Variants in CDH4 observed in about 807,000 individuals in gnomAD.
The protein encoded by CDH4 is cadherin-4.
In CDH4, 33 loss-of-function variants were observed where a neutral mutation model predicts 86.0. The ratio of observed to expected loss-of-function variants is 0.38; its 90% CI spans 0.29 to 0.51. The LOEUF (loss-of-function observed/expected upper bound fraction) is 0.51, where lower values mean the gene tolerates loss of function less well. CDH4 is among the 20% of genes least tolerant of loss of function. The pLI, the probability that CDH4 is intolerant of heterozygous loss-of-function variation, is 0.86. For synonymous variants in CDH4, 555 were observed against 549.4 expected (o/e 1.01, Z -0.14); for missense variants, 1,114 against 1,307.4 (o/e 0.85, Z 2.28).
chr20:61,551,365 A>G (rs553864339), intron 2 of CDH4, among the ~76,000 whole-genome samples: 1 of 152,366 alleles, frequency 6.6e-6, no homozygotes, highest in South Asian at 2.1e-4. Context: ...GTCATACAGA[A>G]AATTTCACAA....
chr20:61,432,971 T>C (rs1267705545), intron 2 of CDH4, among the ~76,000 whole-genome samples: 1 of 151,600 alleles, frequency 6.6e-6, no homozygotes, highest in African/African-American at 2.4e-5. Context: ...CCCGGGTACC[T>C]GGGATTACAG....
At chr20:61,458,395 T>C (rs557291336) in intron 2 of CDH4, among the ~76,000 whole-genome samples, 1 of 141,194 alleles carries the variant, frequency 7.1e-6, no homozygotes, top group African/African-American at 2.6e-5. Context: ...GTGATGGTCA[T>C]GATGGTGATG....
chr20:61,694,219 G>A (rs529804797), intron 2 of CDH4, among the ~76,000 whole-genome samples: 6 of 152,270 alleles, frequency 3.9e-5, no homozygotes, highest in African/African-American at 1.2e-4. Flanking sequence ...TAAACGTGCA[G>A]GGTGTCGGGA....
At chr20:61,817,710 C>T (rs903117363) in intron 4 of CDH4, among the ~76,000 whole-genome samples, 9 of 152,200 alleles carry the variant, frequency 5.9e-5, no homozygotes, top group Admixed American at 5.2e-4. Context: ...GGCATCCACA[C>T]GTGCCGCCTG....
chr20:61,653,510 C>T (rs1310639680), intron 2 of CDH4, among the ~76,000 whole-genome samples: 18 of 137,542 alleles, frequency 1.3e-4, no homozygotes, highest in Admixed American at 2.9e-4. Flanking sequence ...CCAGTAGGGG[C>T]GGCCGGGCAG....
intron 2 of CDH4, among the ~76,000 whole-genome samples, chr20:61,689,065 A>G (rs554743069): frequency 1.8e-4 from 27 of 152,310 alleles, no homozygotes; most frequent in East Asian, 3.9e-4. Flanking sequence ...CTTTGGATGA[A>G]TTTCTCCTAT....
At chr20:61,729,297 A>G (rs1237401881) in intron 2 of CDH4, among the ~76,000 whole-genome samples, 1 of 152,222 alleles carries the variant, frequency 6.6e-6, no homozygotes, top group Non-Finnish European at 1.5e-5. Flanking sequence ...TCCAGTGGGC[A>G]CCAGTAGGAC....
intron 2 of CDH4, among the ~76,000 whole-genome samples, chr20:61,685,317 A>G (rs2087562043): frequency 1.3e-5 from 2 of 152,234 alleles, no homozygotes; most frequent in East Asian, 1.9e-4. Context: ...CACTCAATTC[A>G]TGTCTCAAAG....
At chr20:61,616,193 T>A (rs1441910638) in intron 2 of CDH4, among the ~76,000 whole-genome samples, 1 of 152,208 alleles carries the variant, frequency 6.6e-6, no homozygotes, top group African/African-American at 2.4e-5. Context: ...AGCACTGCCG[T>A]CTCTGACCAG....
chr20:61,933,212 C>A, intron 14 of CDH4, 88 bp downstream of exon 14: 2 of 1,498,092 alleles, frequency 1.3e-6, no homozygotes, highest in Non-Finnish European at 1.8e-6. Context: ...TGGGGTTTAA[C>A]AGTAAGACAT....
intron 2 of CDH4, among the ~76,000 whole-genome samples, chr20:61,729,599 A>G (rs548713062): frequency 6.6e-6 from 1 of 152,352 alleles, no homozygotes; most frequent in East Asian, 1.9e-4. Flanking sequence ...TCCTCTTGGC[A>G]GAGTCTCTGG....
At chr20:61,555,107 A>C (rs1892306) in intron 2 of CDH4, among the ~76,000 whole-genome samples, 3 of 151,464 alleles carry the variant, frequency 2.0e-5, no homozygotes, top group Admixed American at 2.0e-4. Flanking sequence ...TATGAGCCGT[A>C]TGTGTGTGTG....
At chr20:61,465,738 C>A (rs2085468335) in intron 2 of CDH4, among the ~76,000 whole-genome samples, 1 of 152,062 alleles carries the variant, frequency 6.6e-6, no homozygotes, top group South Asian at 2.1e-4. Context: ...CATTTGTGGG[C>A]AAGTTTCATG....
In CDH4 at chr20:61,684,332, C is replaced by G. The variant is rs2087551420; in HGVS notation, c.170-59231C>G. The stretch of plus-strand genomic sequence containing the variant: ...GAGCCCTGTGGGAAGAGCAGGGGGG[C>G]CGCCCAGCTAAGGAAGCAGCAAGCG... On this transcript the variant is annotated intron_variant, in intron 2 of 15. Coordinates refer to ENST00000614565, the MANE Select transcript of CDH4 (RefSeq NM_001794.5). This position sits in a 1 kb window ranked among gnomAD's most constrained non-coding sequence, Gnocchi z 4.5. Among the ~76,000 whole-genome samples the G allele has an allele frequency of 6.6e-6, 1 of 152,174 alleles. No homozygotes were observed. The highest frequency in any genetic ancestry group is 2.1e-4 in the South Asian group (1 of 4,828).
chr20:61,297,329 T>C (rs879622127), intron 2 of CDH4, among the ~76,000 whole-genome samples: 3 of 151,952 alleles, frequency 2.0e-5, no homozygotes, highest in African/African-American at 4.8e-5. Context: ...GAAGATGCAA[T>C]GAGGAGCCGA....
rs183259305 is a variant in CDH4 at position 61,495,337 on chromosome 20, G to A, written c.169+240400G>A. Among the ~76,000 whole-genome samples the A allele has an allele frequency of 7.2e-5, 11 of 152,272 alleles. No homozygotes were observed. In the East Asian group the frequency reaches 1.7e-3, roughly 24 times the overall value. ...CCTCGTTAACTACAGCACAGCCTAC[G>A]AACCCCCAGGAGGAGCTGTGGGAGG... On this transcript the variant is annotated intron_variant, in intron 2 of 15. Coordinates refer to ENST00000614565, the MANE Select transcript of CDH4 (RefSeq NM_001794.5).
chr20:61,535,055 TG>T, intron 2 of CDH4, among the ~76,000 whole-genome samples: 1 of 152,350 alleles, frequency 6.6e-6, no homozygotes, highest in Admixed American at 6.5e-5. Flanking sequence ...TGCAGACTCA[TG>T]TGGAGGTTCT....
intron 2 of CDH4, among the ~76,000 whole-genome samples, chr20:61,728,682 A>G (rs2088142825): frequency 6.6e-6 from 1 of 152,242 alleles, no homozygotes; most frequent in South Asian, 2.1e-4. Flanking sequence ...AGTGCCCAGC[A>G]GGATGTCTGA....
chr20:61,336,104 A>G (rs537493980), intron 2 of CDH4, among the ~76,000 whole-genome samples: 205 of 152,256 alleles, frequency 1.3e-3, no homozygotes, highest in Admixed American at 2.2e-3. Flanking sequence ...ATGCATTCTC[A>G]TCAGCTCTCC....
Sources: gnomAD v4.1 joint callset for allele counts (sites outside exome capture counted in the v4.1 genomes callset) on GRCh38, gnomAD v4.1.1 for gene constraint, Gnocchi (gnomAD v3.1) non-coding constraint, MANE v1.5 for transcripts, NCBI Gene and HGNC (gene_info 2026-07-23, HGNC 2026-07-21) for gene names.